Variants in MBD4 observed in about 807,000 individuals in gnomAD.
MBD4 encodes the protein methyl-CpG binding domain 4, DNA glycosylase, also known as methyl-CpG-binding domain protein 4.
In MBD4, 53 loss-of-function variants were observed where a neutral mutation model predicts 60.2. That is an observed-to-expected ratio of 0.88 (90% CI 0.71 to 1.11). The LOEUF (loss-of-function observed/expected upper bound fraction) is 1.11. Among genes scored for constraint, MBD4 ranks in the 50% least tolerant of loss-of-function variants. The pLI is 0.00. For synonymous variants in MBD4, 231 were observed against 229.8 expected (o/e 1.01, Z -0.05); for missense variants, 619 against 674.0 (o/e 0.92, Z 0.90).
chr3:129,431,152 A>T lies in MBD4; in HGVS notation c.*349T>A. On this transcript the variant is annotated 3_prime_UTR_variant, in exon 8 of 8. Transcript: ENST00000429544. ...TGCACCACCACGCCTAGCCGATAAAAATATTTAGTGGGCCCCTAGCTTTAG... is the reference window on the plus strand; with the variant it reads ...TGCACCACCACGCCTAGCCGATAAATATATTTAGTGGGCCCCTAGCTTTAG... The T allele has an allele frequency of 1.1e-5, 3 of 270,906 alleles. No homozygotes were observed. The highest frequency in any genetic ancestry group is 7.5e-5 in the South Asian group (2 of 26,610). The allele number at this position is 270,906 out of a possible 1,614,324, so 16.8% of individuals were successfully genotyped here.
intron 1 of MBD4, among the ~76,000 whole-genome samples, chr3:129,438,719 A>G (rs2072570738): frequency 6.6e-6 from 1 of 150,604 alleles, no homozygotes. Context: ...CAGCCTGGAG[A>G]GCACAGTGAG....
rs749993260 is a variant in MBD4, at chr3:129,433,994, CAT to C, written c.1259-12_1259-11del. The stretch of plus-strand genomic sequence containing the variant: ...CGTGGGGGGCTAAGAGCTAAACAAA[CAT>C]AGTGCATCAGAATTGAAAACCCAAA... On this transcript the variant is annotated splice_polypyrimidine_tract_variant and intron_variant, in intron 4 of 7. Transcript: ENST00000429544. 5 of 1,614,094 alleles carry C rather than the reference CAT, an allele frequency of 3.1e-6. No homozygotes were observed. The Admixed American group carries it at 5.0e-5, about 16-fold the overall frequency.
intron 3 of MBD4, among the ~76,000 whole-genome samples, chr3:129,435,416 C>T (rs1056808324): frequency 6.6e-6 from 1 of 152,176 alleles, no homozygotes; most frequent in South Asian, 2.1e-4. Context: ...ATGTTGAGAA[C>T]TAGACTCTTA....
At position 129,431,448 on chromosome 3, in the gene MBD4, C is replaced by T; in HGVS notation, c.*53G>A. The T allele has an allele frequency of 4.1e-6, 6 of 1,463,750 alleles. No individual in the cohort carries two copies. The South Asian group carries it at 5.7e-5, about 14-fold the overall frequency. The allele number at this position is 1,463,750 out of a possible 1,614,324, so 90.7% of individuals were successfully genotyped here. A position where few individuals can be genotyped will look rare whatever the true frequency, so the allele number is the denominator to read the frequency against. On this transcript the variant is annotated 3_prime_UTR_variant, in exon 8 of 8. Coordinates refer to ENST00000429544, the MANE Select transcript of MBD4 (RefSeq NM_001276270.2). The stretch of plus-strand genomic sequence containing the variant: ...AGGTGGTTGGTTGTACTTAATTAAG[C>T]TTTTTTGAAGTGCAAAGCTATGCAT...
In MBD4 at chr3:129,431,437, A is replaced by T; in HGVS notation, c.*64T>A. 7.6e-7 allele frequency: 1 copy of T among 1,321,688 alleles called. No homozygotes were observed. Among genetic ancestry groups the T allele is most frequent in the Non-Finnish European group, 1.1e-6 (1 of 917,594 alleles). 81.9% of individuals were successfully genotyped at this position (1,321,688 alleles called of 1,614,324 possible). ...TATGGCTGGAAAGGTGGTTGGTTGT[A>T]CTTAATTAAGCTTTTTTGAAGTGCA... On this transcript the variant is annotated 3_prime_UTR_variant, in exon 8 of 8. Coordinates refer to ENST00000429544, the MANE Select transcript of MBD4 (RefSeq NM_001276270.2).
chr3:129,439,644 G>T, intron 1 of MBD4, 86 bp downstream of exon 1: 1 of 903,752 alleles, frequency 1.1e-6, no homozygotes, highest in Non-Finnish European at 1.8e-6. Flanking sequence ...CTCTGTCAAA[G>T]GTTAGAAAGG....
chr3:129,436,342 T>A lies in MBD4; in HGVS notation c.1183+119A>T, dbSNP rs74579503. On this transcript the variant is annotated intron_variant, in intron 3 of 7. Coordinates refer to ENST00000429544, the MANE Select transcript of MBD4 (RefSeq NM_001276270.2). ...CTCATATTTGGCCCTATTTCTTGGC[T>A]CTATTTTCACATCTTAACCATGTAT... 5.8e-4 allele frequency: 733 copies of A among 1,268,142 alleles called. 3 individuals are homozygous for A. In the African/African-American group the frequency reaches 9.9e-3, roughly 17 times the overall value. 78.6% of individuals were successfully genotyped at this position (1,268,142 alleles called of 1,614,324 possible).
chr3:129,433,318 A>C, intron 5 of MBD4, 71 bp from the exon 6 acceptor site: 72 of 1,534,246 alleles, frequency 4.7e-5, no homozygotes, highest in East Asian at 1.4e-4. Flanking sequence ...GTAGTTTCTC[A>C]TAGAAATCTC....
rs772744105 is a variant in MBD4 at position 129,432,532 on chromosome 3, G to A, written c.1618C>T (p.Arg540Ter). 2.3e-5 allele frequency: 37 copies of A among 1,614,012 alleles called. No homozygotes were observed. Among genetic ancestry groups the A allele is most frequent in the Non-Finnish European group, 2.8e-5 (33 of 1,180,026 alleles). The part of the protein sequence containing the change: ...GIGKYGNDSY[R>*]IFCVNEWKQV... ...TTCCACTCATTGACACAAAAAATTCGGTAAGAGTCGTTGCCATATTTACCA... is the reference window on the plus strand; with the variant it reads ...TTCCACTCATTGACACAAAAAATTCAGTAAGAGTCGTTGCCATATTTACCA... Residue 540 changes from arginine to a stop codon, truncating the protein, a stop_gained, in exon 7 of 8, where the codon CGA (arginine) becomes TGA (stop). Transcript: ENST00000429544. LOFTEE classifies it high-confidence loss of function.
In MBD4 at chr3:129,436,871, A is replaced by G; in HGVS notation, c.773T>C (p.Val258Ala). 2 of 1,614,198 alleles carry G rather than the reference A, an allele frequency of 1.2e-6. No individual in the cohort carries two copies. The highest frequency in any genetic ancestry group is 1.7e-6 in the Non-Finnish European group (2 of 1,180,030). Residue 258 changes from valine (V) to alanine (A), a missense_variant, in exon 3 of 8, where the codon GTT (valine) becomes GCT (alanine). Coordinates refer to ENST00000429544, the MANE Select transcript of MBD4 (RefSeq NM_001276270.2). ...KGCRKSCSGF[V>A]QSDSKRESVC... ...AGATTCTCTTTTGCTATCACTTTGA[A>G]CAAAACCTGAACAGCTCTTCCTACA...
rs529167527 is a variant in MBD4, at chr3:129,437,664, T to C, written c.335+56A>G. On this transcript the variant is annotated intron_variant, in intron 2 of 7. Transcript: ENST00000429544. Reference sequence around the variant, plus strand: ...GCTAAGATTCCTGCTATGCTCCCACTACCTGCCCAGACAAAATCATTTGGC... The same window carrying C: ...GCTAAGATTCCTGCTATGCTCCCACCACCTGCCCAGACAAAATCATTTGGC... 701 of 1,247,018 alleles carry C rather than the reference T, an allele frequency of 5.6e-4. 9 individuals carry two copies. In the South Asian group the frequency reaches 8.1e-3, roughly 14 times the overall value. The allele number at this position is 1,247,018 out of a possible 1,614,324, so 77.2% of individuals were successfully genotyped here.
chr3:129,433,199 G>A lies in MBD4; in HGVS notation c.1442C>T (p.Ser481Leu). The change falls in exon 6 of 8, where the codon TCA (serine) becomes TTA (leucine). Residue 481 changes from serine (S) to leucine (L), a missense_variant. Physicochemically the swap from Ser to Leu is moderately radical, Grantham distance 145. Transcript: ENST00000429544. ...VLWKFLEKYP[S>L]AEVARTADWR... ...GTCTGCGGTTCTTGCTACCTCAGCT[G>A]AAGGATACTTCTCCAGAAACTTCCA... is the stretch of plus-strand genomic sequence containing the variant. 2 of 1,614,208 alleles carry A rather than the reference G, an allele frequency of 1.2e-6. No homozygotes were observed. The highest frequency in any genetic ancestry group is 1.7e-6 in the Non-Finnish European group (2 of 1,180,016).
Position 129,431,378 on chromosome 3 carries a change from A to C in MBD4, c.*123T>G. On this transcript the variant is annotated 3_prime_UTR_variant, in exon 8 of 8. Coordinates refer to ENST00000429544, the MANE Select transcript of MBD4 (RefSeq NM_001276270.2). ...TGGCACACACATTAAGAAAGCACAC[A>C]CACTAGGCTTCTAGTTGGGCTAATT... 1.3e-6 allele frequency: 1 copy of C among 768,486 alleles called. No homozygotes were observed. The allele number at this position is 768,486 out of a possible 1,614,324, so 47.6% of individuals were successfully genotyped here.
At position 129,439,807 on chromosome 3, in the gene MBD4, C is replaced by T. The variant is rs1394321917; in HGVS notation, c.27G>A (p.Leu9=). The change falls in exon 1 of 8, where the codon CTG becomes CTA. Residue 9 remains leucine (L), a synonymous_variant. Coordinates refer to ENST00000429544, the MANE Select transcript of MBD4 (RefSeq NM_001276270.2). MGTTGLES[L]SLGDRGAAPT... is the part of the protein sequence containing the mutation. Reference sequence around the variant, plus strand: ...GGGCAGCTCCGCGGTCCCCCAGACTCAGACTCTCCAGCCCAGTCGTGCCCA... The same window carrying T: ...GGGCAGCTCCGCGGTCCCCCAGACTTAGACTCTCCAGCCCAGTCGTGCCCA... 1 of 1,611,488 alleles carries T rather than the reference C, an allele frequency of 6.2e-7. No individual in the cohort carries two copies. The highest frequency in any genetic ancestry group is 8.5e-7 in the Non-Finnish European group (1 of 1,179,214).
In MBD4 at chr3:129,436,898, C is replaced by T. The variant is rs532175978; in HGVS notation, c.746G>A (p.Gly249Glu). ...AAAACCTGAACAGCTCTTCCTACAT[C>T]CTTTTTTAGTTTTCTTAATTGGGAT... is the stretch of plus-strand genomic sequence containing the variant. ...KGIPIKKTKK[G>E]CRKSCSGFVQ... is the part of the protein sequence containing the mutation. Residue 249 changes from glycine (G) to glutamate (E), a missense_variant, in exon 3 of 8, where the codon GGA becomes GAA. Transcript: ENST00000429544. The T allele has an allele frequency of 1.2e-6, 2 of 1,614,142 alleles. No individual in the cohort carries two copies. Among genetic ancestry groups the T allele is most frequent in the East Asian group, 2.2e-5 (1 of 44,886 alleles).
intron 1 of MBD4, among the ~76,000 whole-genome samples, chr3:129,438,154 A>AAAATTT (rs1199731409): frequency 6.6e-6 from 1 of 152,184 alleles, no homozygotes; most frequent in Non-Finnish European, 1.5e-5. Context: ...ACAGGTTAAA[A>AAAATTT]GGTGTTGGAA....
Position 129,437,206 on chromosome 3 carries a change from A to G in MBD4, c.438T>C (p.Leu146=). The G allele has an allele frequency of 1.2e-6, 2 of 1,613,570 alleles. No individual in the cohort carries two copies. The highest frequency in any genetic ancestry group is 1.7e-6 in the Non-Finnish European group (2 of 1,179,778). The change falls in exon 3 of 8, where the codon CTT becomes CTC. Residue 146 remains leucine (L), a synonymous_variant. Coordinates refer to ENST00000429544, the MANE Select transcript of MBD4 (RefSeq NM_001276270.2). ...LKPEDFDFTV[L]SKRGIKSRYK... ...ATCTTGACTTGATACCCCTTTTAGA[A>G]AGTACAGTAAAATCAAAATCTTCTG...
chr3:129,431,508 AG>A lies in MBD4; in HGVS notation c.1717del (p.Leu573TyrfsTer22). On this transcript the variant is annotated frameshift_variant, in exon 8 of 8. Transcript: ENST00000429544. LOFTEE classifies it high-confidence loss of function. ...WLWENHEKLS[L>X]S ...GCTTGAAAGCTGCAGAGTTTAAGAT[AG>A]ACTTAATTTTTCATGATTTTCCCAA... 1 of 1,612,726 alleles carries A rather than the reference AG, an allele frequency of 6.2e-7. No individual in the cohort carries two copies. Among genetic ancestry groups the A allele is most frequent in the Non-Finnish European group, 8.5e-7 (1 of 1,179,190 alleles).
Position 129,439,912 on chromosome 3 carries a change from T to TA in MBD4, c.-80_-79insT. 3.9e-6 allele frequency: 4 copies of TA among 1,021,902 alleles called. No homozygotes were observed. The highest frequency in any genetic ancestry group is 6.1e-6 in the Non-Finnish European group (4 of 658,950). The allele number at this position is 1,021,902 out of a possible 1,614,324, so 63.3% of individuals were successfully genotyped here. A position where few individuals can be genotyped will look rare whatever the true frequency, so the allele number is the denominator to read the frequency against. ...GGGCGGAGTAAGATGTGAAACCTCT[T>TA]CAGCTCACGGCACCGGGCTGCAACC... On this transcript the variant is annotated 5_prime_UTR_variant, in exon 1 of 8. Transcript: ENST00000429544.
Sources: allele counts gnomAD v4.1 joint callset (sites outside exome capture counted in the v4.1 genomes callset), GRCh38; gene constraint gnomAD v4.1.1; transcripts MANE v1.5; gene names NCBI Gene and HGNC (gene_info 2026-07-23, HGNC 2026-07-21).